Variants in ERC2 observed in about 807,000 individuals in gnomAD.
ERC2 encodes ELKS/RAB6-interacting/CAST family member 2.
A neutral mutation model predicts 114.8 loss-of-function variants in ERC2; 42 were observed. That is an observed-to-expected ratio of 0.37 (90% CI 0.29 to 0.47). The LOEUF is 0.47. Among genes scored for constraint, ERC2 ranks in the 20% least tolerant of loss-of-function variants. ERC2 has a pLI of 0.99. For missense variants in ERC2, 939 were observed against 1,150.7 expected (o/e 0.82, Z 2.66); for synonymous variants, 454 against 425.5 (o/e 1.07, Z -0.82).
chr3:55,817,054 T>C lies in ERC2; in HGVS notation c.2564+71335A>G, dbSNP rs1037930295. Among the ~76,000 whole-genome samples, 4 of 152,282 alleles carry C rather than the reference T, an allele frequency of 2.6e-5. 1 individual carries two copies. The South Asian group carries it at 8.3e-4, about 32-fold the overall frequency. On this transcript the variant is annotated intron_variant, in intron 14 of 17. Coordinates refer to ENST00000288221, the MANE Select transcript of ERC2 (RefSeq NM_015576.3). ...TGCTTCAAATAACCACTTTCAAAGG[T>C]AAGGCTTGTAGGACAGGAGGGGGTT...
chr3:56,054,622 T>C (rs555848216), intron 7 of ERC2, among the ~76,000 whole-genome samples: 1 of 152,350 alleles, frequency 6.6e-6, no homozygotes, highest in South Asian at 2.1e-4. Flanking sequence ...ATGGAAAAGA[T>C]ACTGTGTTCT....
At chr3:56,281,096 T>C (rs957372680) in intron 3 of ERC2, among the ~76,000 whole-genome samples, 2 of 152,220 alleles carry the variant, frequency 1.3e-5, no homozygotes, top group African/African-American at 2.4e-5. Context: ...CCTTCCCCAG[T>C]CATTTTCTAA....
At chr3:56,078,518 T>C (rs1231260383) in intron 7 of ERC2, among the ~76,000 whole-genome samples, 1 of 152,174 alleles carries the variant, frequency 6.6e-6, no homozygotes, top group East Asian at 1.9e-4. Context: ...TCCTAATAGA[T>C]ATTAGAATGC....
chr3:56,315,425 T>A (rs1476134880), intron 2 of ERC2, among the ~76,000 whole-genome samples: 1 of 152,168 alleles, frequency 6.6e-6, no homozygotes, highest in Non-Finnish European at 1.5e-5. Context: ...AAAGAATATG[T>A]CATATCACTG....
chr3:56,468,050 G>T (rs6807444), intron 1 of ERC2, among the ~76,000 whole-genome samples, 198 bp downstream of exon 1: 126,247 of 151,548 alleles, frequency 0.83, 52,871 homozygotes, highest in East Asian at 0.92. Context: ...TCAGGGCAAA[G>T]CCTCCCTTAG....
chr3:55,622,553 A>C (rs1349468771), intron 17 of ERC2, among the ~76,000 whole-genome samples: 1 of 152,140 alleles, frequency 6.6e-6, no homozygotes. Flanking sequence ...GCAAGCTACC[A>C]GCAATTTCTT....
chr3:56,449,936 T>G (rs908183613), intron 1 of ERC2, among the ~76,000 whole-genome samples: 25 of 152,356 alleles, frequency 1.6e-4, no homozygotes, highest in Admixed American at 1.6e-3. Context: ...AAACTCAATC[T>G]GCTGTTCAAA....
intron 13 of ERC2, among the ~76,000 whole-genome samples, chr3:55,928,194 A>G (rs531903989): frequency 8.5e-5 from 13 of 152,286 alleles, no homozygotes; most frequent in Admixed American, 2.6e-4. Flanking sequence ...ACTGTTCTCC[A>G]TAGTGGTTGT....
chr3:56,340,542 ATG>A lies in ERC2; in HGVS notation c.658-44109_658-44108del, dbSNP rs10690369. Among the ~76,000 whole-genome samples, 440 of 141,520 alleles carry A rather than the reference ATG, an allele frequency of 3.1e-3. 2 individuals carry two copies. The highest frequency in any genetic ancestry group is 7.8e-3 in the African/African-American group (294 of 37,712). 92.8% of individuals were successfully genotyped at this position (141,520 alleles called of 152,430 possible). ...TGTGTGAGAGAGAGAGAGAGAGTGA[ATG>A]TGTGTGTGTGTGTGTGTGTGTGTGT... On this transcript the variant is annotated intron_variant, in intron 2 of 17. Coordinates refer to ENST00000288221, the MANE Select transcript of ERC2 (RefSeq NM_015576.3).
intron 17 of ERC2, among the ~76,000 whole-genome samples, chr3:55,562,953 T>TGTAATA (rs1438837230): frequency 2.0e-5 from 3 of 152,136 alleles, no homozygotes; most frequent in African/African-American, 7.2e-5. Flanking sequence ...TGTAGTCCAG[T>TGTAATA]TTGGCAGAAA....
intron 6 of ERC2, among the ~76,000 whole-genome samples, chr3:56,104,482 G>A (rs2078537890): frequency 1.3e-5 from 2 of 152,182 alleles, no homozygotes; most frequent in Non-Finnish European, 2.9e-5. Context: ...AGACTTTGTT[G>A]AGGTGGCATG....
intron 17 of ERC2, among the ~76,000 whole-genome samples, chr3:55,583,594 T>TTCCTTCCTTCCTTCCTTCCC (rs1559693923): frequency 7.8e-6 from 1 of 128,322 alleles, no homozygotes; most frequent in Non-Finnish European, 1.7e-5. Context: ...CCTTCCTTCC[T>TTCCTTCCTTCCTTCCTTCCC]AGAAAGGCAA....
At chr3:55,768,555 G>C (rs566301327) in intron 14 of ERC2, among the ~76,000 whole-genome samples, 1 of 152,360 alleles carries the variant, frequency 6.6e-6, no homozygotes, top group South Asian at 2.1e-4. Flanking sequence ...AGAGTTACAG[G>C]GGAGAGGGTA....
chr3:55,752,213 C>A (rs2066747767), intron 14 of ERC2, among the ~76,000 whole-genome samples: 1 of 152,128 alleles, frequency 6.6e-6, no homozygotes, highest in African/African-American at 2.4e-5. Context: ...TGGGATCACA[C>A]CAAAAGAAAA....
intron 2 of ERC2, among the ~76,000 whole-genome samples, chr3:56,311,520 C>T (rs975643591): frequency 1.5e-4 from 23 of 151,682 alleles, no homozygotes; most frequent in African/African-American, 5.6e-4. Context: ...ACGGTGGTCT[C>T]AATCTCCTGA....
chr3:55,607,509 C>T (rs2058689993), intron 17 of ERC2, among the ~76,000 whole-genome samples: 1 of 152,112 alleles, frequency 6.6e-6, no homozygotes, highest in Admixed American at 6.6e-5. Flanking sequence ...AGTCTGCAGC[C>T]CTGATTACAG....
At chr3:55,675,328 G>C (rs1055210089) in intron 17 of ERC2, among the ~76,000 whole-genome samples, 1 of 152,242 alleles carries the variant, frequency 6.6e-6, no homozygotes, top group Non-Finnish European at 1.5e-5. Flanking sequence ...GTAGCCACCA[G>C]ATGGTGGACT....
intron 3 of ERC2, among the ~76,000 whole-genome samples, chr3:56,216,055 T>C (rs534873818): frequency 1.2e-3 from 182 of 152,124 alleles, no homozygotes; most frequent in Non-Finnish European, 2.0e-3. Flanking sequence ...AGATCTAAAA[T>C]TGACACCCTA....
In ERC2 at chr3:55,598,488, T is replaced by C. The variant is rs2058251889; in HGVS notation, c.*39+85306A>G. Among the ~76,000 whole-genome samples the C allele has an allele frequency of 3.3e-5, 5 of 152,362 alleles. No individual in the cohort carries two copies. In the South Asian group the frequency reaches 1.0e-3, roughly 32 times the overall value. ...GATTACTCCATTAAAGCACTGAACA[T>C]AGTACATGTGTCCCAATGAGCTCGA... is the stretch of plus-strand genomic sequence containing the variant. On this transcript the variant is annotated intron_variant, in intron 17 of 17. Coordinates refer to ENST00000288221, the MANE Select transcript of ERC2 (RefSeq NM_015576.3).
Sources: allele counts gnomAD v4.1 joint callset (sites outside exome capture counted in the v4.1 genomes callset), GRCh38; gene constraint gnomAD v4.1.1; transcripts MANE v1.5; gene names NCBI Gene and HGNC (gene_info 2026-07-23, HGNC 2026-07-21).